SCLT1: variants seen among roughly 807,000 people sequenced by gnomAD.
The protein encoded by SCLT1 is sodium channel and clathrin linker 1.
SCLT1 carries 78 observed loss-of-function variants against 112.8 expected under a neutral mutation model. The observed-to-expected ratio is 0.69, with a 90% CI of 0.58 to 0.83. SCLT1 has a LOEUF of 0.83. Ranked by LOEUF, SCLT1 falls within the 40% of genes least tolerant of loss-of-function variation. The pLI, the probability that SCLT1 is intolerant of heterozygous loss-of-function variation, is 0.00. For missense variants in SCLT1, 747 were observed against 770.4 expected, an observed-to-expected ratio of 0.97 and a Z score of 0.36; for synonymous variants, 257 against 254.7, an observed-to-expected ratio of 1.01 and a Z score of -0.09.
intron 5 of SCLT1, among the ~76,000 whole-genome samples, chr4:129,025,692 CAT>C: frequency 6.6e-6 from 1 of 152,218 alleles, no homozygotes; most frequent in African/African-American, 2.4e-5. Flanking sequence ...CAAATTCACA[CAT>C]AACAATATTA....
In SCLT1 at chr4:128,970,109, A is replaced by T. The variant is rs555413586; in HGVS notation, c.777+269T>A. Among the ~76,000 whole-genome samples the T allele has an allele frequency of 8.5e-5, 13 of 152,302 alleles. 1 individual carries two copies. The South Asian group carries it at 2.7e-3, about 32-fold the overall frequency. ...CAAATAACCAGTTAACTGAAACTTG[A>T]TCTTGTATCAATTTGCGTTTCAGTA... is the stretch of plus-strand genomic sequence containing the variant. On this transcript the variant is annotated intron_variant, in intron 10 of 20. Coordinates refer to ENST00000281142, the MANE Select transcript of SCLT1 (RefSeq NM_144643.4).
At chr4:129,034,332 T>C (rs1047661698) in intron 5 of SCLT1, among the ~76,000 whole-genome samples, 16 of 152,086 alleles carry the variant, frequency 1.1e-4, no homozygotes, top group Admixed American at 3.9e-4. Context: ...TTATCATTAG[T>C]CAAATTATGA....
chr4:129,065,286 T>G (rs916679248), intron 2 of SCLT1, among the ~76,000 whole-genome samples: 1 of 152,068 alleles, frequency 6.6e-6, no homozygotes, highest in Non-Finnish European at 1.5e-5. Flanking sequence ...AATATTTTCA[T>G]GGTGTAACTT....
chr4:129,080,393 G>A (rs921519158), intron 2 of SCLT1, among the ~76,000 whole-genome samples: 1 of 152,216 alleles, frequency 6.6e-6, no homozygotes, highest in African/African-American at 2.4e-5. Context: ...TACATCTTGA[G>A]TGCTTTCTTG....
chr4:128,895,969 A>C (rs1733718036), intron 18 of SCLT1, among the ~76,000 whole-genome samples: 1 of 152,228 alleles, frequency 6.6e-6, no homozygotes, highest in African/African-American at 2.4e-5. Context: ...TCAAACTGCA[A>C]GGCGGCAGCG....
chr4:129,084,086 AC>A (rs1752189114), intron 1 of SCLT1, among the ~76,000 whole-genome samples: 1 of 152,208 alleles, frequency 6.6e-6, no homozygotes, highest in Non-Finnish European at 1.5e-5. Flanking sequence ...CAAACATCAT[AC>A]TCATGAGTAA....
rs2125951773 is a variant in SCLT1 at position 128,914,663 on chromosome 4, A to G, written c.1829+21992T>C. Among the ~76,000 whole-genome samples, 2 of 152,284 alleles carry G rather than the reference A, an allele frequency of 1.3e-5. 1 individual carries two copies. Among genetic ancestry groups the G allele is most frequent in the South Asian group, 4.1e-4 (2 of 4,830 alleles). On this transcript the variant is annotated intron_variant, in intron 18 of 20. Coordinates refer to ENST00000281142, the MANE Select transcript of SCLT1 (RefSeq NM_144643.4). ...AAGAGAAATAATCAAACATATCTGA[A>G]AGCTGACTATAGAGGTGCACAAAGG...
At chr4:128,984,678 T>G (rs1163737321) in intron 9 of SCLT1, among the ~76,000 whole-genome samples, 1 of 152,124 alleles carries the variant, frequency 6.6e-6, no homozygotes, top group Admixed American at 6.5e-5. Context: ...ACCTTCTAAT[T>G]TATCCTACAT....
intron 2 of SCLT1, among the ~76,000 whole-genome samples, chr4:129,050,989 C>T (rs1027593727): frequency 4.6e-5 from 7 of 151,918 alleles, no homozygotes; most frequent in Admixed American, 4.6e-4. Context: ...GGAATCTTTT[C>T]CCCATTACTT....
intron 14 of SCLT1, 129 bp downstream of exon 14, chr4:128,952,640 T>C (rs1411800432): frequency 1.5e-6 from 1 of 678,298 alleles, no homozygotes. Flanking sequence ...GATTTTCACT[T>C]TTTTCTTAGC....
At chr4:129,048,507 A>G (rs1748418848) in intron 2 of SCLT1, among the ~76,000 whole-genome samples, 1 of 149,816 alleles carries the variant, frequency 6.7e-6, no homozygotes, top group Non-Finnish European at 1.5e-5. Context: ...TAAATGTTAG[A>G]CCTAAAACCA....
At chr4:128,957,599 A>G (rs930359378) in intron 12 of SCLT1, among the ~76,000 whole-genome samples, 1 of 151,760 alleles carries the variant, frequency 6.6e-6, no homozygotes, top group African/African-American at 2.4e-5. Flanking sequence ...AATCATTTCC[A>G]TCCTCCACCA....
At chr4:128,974,283 C>T (rs1387819818) in intron 9 of SCLT1, among the ~76,000 whole-genome samples, 6 of 151,936 alleles carry the variant, frequency 3.9e-5, no homozygotes, top group Non-Finnish European at 5.9e-5. Flanking sequence ...AGCCAGTATA[C>T]GAACAGTGGG....
chr4:129,055,505 G>C (rs1749277066), intron 2 of SCLT1, among the ~76,000 whole-genome samples: 1 of 152,160 alleles, frequency 6.6e-6, no homozygotes, highest in Non-Finnish European at 1.5e-5. Flanking sequence ...GAGGCATTCT[G>C]GCCACAGCCT....
intron 4 of SCLT1, chr4:129,039,304 A>G (rs1169244354): frequency 4.6e-6 from 2 of 430,348 alleles, no homozygotes; most frequent in Admixed American, 4.1e-5. Flanking sequence ...GAATATAAAT[A>G]AAATAGAAAT....
intron 5 of SCLT1, chr4:128,873,403 C>T (rs2125910490): frequency 6.6e-6 from 1 of 152,532 alleles, no homozygotes; most frequent in South Asian, 2.1e-4. Flanking sequence ...AGGAAAGAGA[C>T]TGAAGTGTAC....
chr4:128,920,093 A>G (rs553123394), intron 18 of SCLT1, among the ~76,000 whole-genome samples: 1 of 152,270 alleles, frequency 6.6e-6, no homozygotes, highest in East Asian at 1.9e-4. Flanking sequence ...AGACACAAGA[A>G]AAAAAGAAAA....
At chr4:129,063,050 T>C (rs1750133143) in intron 2 of SCLT1, among the ~76,000 whole-genome samples, 1 of 152,230 alleles carries the variant, frequency 6.6e-6, no homozygotes, top group African/African-American at 2.4e-5. Context: ...CATAAATATC[T>C]TAAGCTTTCT....
At chr4:129,026,114 C>T (rs1432115392) in intron 5 of SCLT1, among the ~76,000 whole-genome samples, 1 of 152,126 alleles carries the variant, frequency 6.6e-6, no homozygotes, top group African/African-American at 2.4e-5. Flanking sequence ...GACTTTAACA[C>T]CCCACTGTCA....
Sources: allele counts gnomAD v4.1 joint callset (sites outside exome capture counted in the v4.1 genomes callset), GRCh38; gene constraint gnomAD v4.1.1; transcripts MANE v1.5; gene names NCBI Gene and HGNC (gene_info 2026-07-23, HGNC 2026-07-21).